SAP130: variants seen among roughly 807,000 people sequenced by gnomAD.
SAP130 encodes Sin3A associated protein 130.
In SAP130, 16 loss-of-function variants were observed where a neutral mutation model predicts 103.2. The observed-to-expected ratio is 0.16, with a 90% CI of 0.10 to 0.24. SAP130 has a LOEUF of 0.24. Among genes scored for constraint, SAP130 ranks in the 10% least tolerant of loss-of-function variants. The pLI is 1.00. For synonymous variants in SAP130, 477 were observed against 497.0 expected (o/e 0.96, Z 0.53); for missense variants, 990 against 1,359.7 (o/e 0.73, Z 4.28).
At chr2:127,977,758 C>CG (rs2104920366) in intron 15 of SAP130, among the ~76,000 whole-genome samples, 1 of 152,194 alleles carries the variant, frequency 6.6e-6, no homozygotes, top group Non-Finnish European at 1.5e-5. Flanking sequence ...TGGTGGCACA[C>CG]GTCTATAGTC....
At chr2:128,022,602 A>G (rs1685233247) in intron 2 of SAP130, among the ~76,000 whole-genome samples, 1 of 152,208 alleles carries the variant, frequency 6.6e-6, no homozygotes, top group Non-Finnish European at 1.5e-5. Context: ...TATTTGCGCT[A>G]CAACCATTCC....
intron 1 of SAP130, chr2:128,027,380 G>C: frequency 8.8e-7 from 1 of 1,141,976 alleles, no homozygotes; most frequent in Non-Finnish European, 1.1e-6. Flanking sequence ...AATCCACAGC[G>C]ACCTGCACGT....
Position 128,016,478 on chromosome 2 carries a change from G to A in SAP130, c.418C>T (p.Pro140Ser), listed in dbSNP as rs747467917. The change falls in exon 4 of 21, where the codon CCC becomes TCC. Residue 140 changes from proline (P) to serine (S), a missense_variant. Transcript: ENST00000643581. Reference protein sequence around the residue: ...PAPPSTLSLPPKVPGQVTVTM... With the variant: ...PAPPSTLSLPSKVPGQVTVTM... ...ACGGTAACCTGCCCTGGAACCTTGG[G>A]GGGAAGTGACAGGGTAGAAGGTGGA... The A allele has an allele frequency of 1.2e-6, 2 of 1,614,050 alleles. No homozygotes were observed. The highest frequency in any genetic ancestry group is 1.7e-6 in the Non-Finnish European group (2 of 1,179,986).
At chr2:127,961,549 CTTT>C (rs1242021678) in intron 15 of SAP130, among the ~76,000 whole-genome samples, 1 of 142,434 alleles carries the variant, frequency 7.0e-6, no homozygotes, top group Non-Finnish European at 1.5e-5. Context: ...AATTGGGTTG[CTTT>C]TTTGACTTGT....
Position 127,996,554 on chromosome 2 carries a change from T to G in SAP130, c.1214-63A>C, listed in dbSNP as rs1357916788. On this transcript the variant is annotated intron_variant, in intron 10 of 20. Transcript: ENST00000643581. This position sits in a 1 kb window ranked among gnomAD's most constrained non-coding sequence, Gnocchi z 4.3. ...ACTTTTTTTTGGCATGCCAAAACAT[T>G]CTTGGCTAGCAGCAATCTTAGGAAA... 1.5e-6 allele frequency: 2 copies of G among 1,373,992 alleles called. No individual in the cohort carries two copies. The highest frequency in any genetic ancestry group is 3.0e-5 in the African/African-American group (2 of 67,312). The allele number at this position is 1,373,992 out of a possible 1,614,324, so 85.1% of individuals were successfully genotyped here.
At chr2:127,970,643 A>G (rs1266525117) in intron 15 of SAP130, among the ~76,000 whole-genome samples, 1 of 151,610 alleles carries the variant, frequency 6.6e-6, no homozygotes, top group Non-Finnish European at 1.5e-5. Flanking sequence ...TTGAGCCTAG[A>G]TCACACCGCT....
chr2:128,015,647 T>C (rs534019680), intron 4 of SAP130, among the ~76,000 whole-genome samples: 1 of 152,106 alleles, frequency 6.6e-6, no homozygotes, highest in East Asian at 1.9e-4. Context: ...TCAGAATAAA[T>C]GTTCGCAACT....
Position 127,996,437 on chromosome 2 carries a change from T to C in SAP130, c.1268A>G (p.Tyr423Cys). The C allele has an allele frequency of 3.7e-6, 6 of 1,606,536 alleles. No homozygotes were observed. The highest frequency in any genetic ancestry group is 1.7e-6 in the Non-Finnish European group (2 of 1,176,370). Residue 423 changes from tyrosine (Y) to cysteine (C), a missense_variant, in exon 11 of 21, where the codon TAC (tyrosine) becomes TGC (cysteine). Transcript: ENST00000643581. The surrounding 1 kb of genome is among the most constrained non-coding windows in gnomAD (Gnocchi z 4.3). ...THTSPRIQPD[Y>C]PAERSSLIPI... ...AATCAGGCTACTCCTCTCGGCAGGG[T>C]AGTCTGGCTGGATCCGAGGAGAAGT...
chr2:127,972,483 C>T (rs530062413), intron 15 of SAP130, among the ~76,000 whole-genome samples: 13 of 152,162 alleles, frequency 8.5e-5, no homozygotes, highest in African/African-American at 2.6e-4. Flanking sequence ...GCAGGCTGGG[C>T]GTGGTGGCTC....
At chr2:128,027,250 C>T in intron 1 of SAP130, 1 of 1,186,666 alleles carries the variant, frequency 8.4e-7, no homozygotes, top group Non-Finnish European at 1.0e-6. Flanking sequence ...CCCGCTGGCC[C>T]CACTCACCCC....
Position 128,000,426 on chromosome 2 carries a change from G to C in SAP130, c.898C>G (p.Pro300Ala). 2 of 1,614,174 alleles carry C rather than the reference G, an allele frequency of 1.2e-6. No homozygotes were observed. The highest frequency in any genetic ancestry group is 1.7e-6 in the Non-Finnish European group (2 of 1,180,024). The change falls in exon 8 of 21, where the codon CCA (proline) becomes GCA (alanine). Residue 300 changes from proline (P) to alanine (A), a missense_variant. By Grantham distance (27) the Pro-to-Ala change is conservative. Around this residue, in one of 6 missense-constraint regions of SAP130, gnomAD observed 336 missense variants for 520.1 expected, o/e 0.65. Transcript: ENST00000643581. ...CGCTGAATACTGATTGCTGCAGATG[G>C]AGGATGCTGGATAGACAAGGTTGGC... ...SRPTLSIQHP[P>A]SAAISIQRPA...
chr2:128,012,370 T>C (rs1255622494), intron 6 of SAP130, among the ~76,000 whole-genome samples: 1 of 152,128 alleles, frequency 6.6e-6, no homozygotes, highest in Non-Finnish European at 1.5e-5. Flanking sequence ...CTTGGAAGGC[T>C]GAGGCAGGAG....
intron 15 of SAP130, among the ~76,000 whole-genome samples, chr2:127,970,102 C>T (rs970612600): frequency 1.3e-5 from 2 of 150,388 alleles, no homozygotes; most frequent in African/African-American, 4.9e-5. Context: ...GTAGCTCGCA[C>T]CTGTAGTTGC....
In SAP130 at chr2:127,986,044, T is replaced by C. The variant is rs557392679; in HGVS notation, c.1958+741A>G. The stretch of plus-strand genomic sequence containing the variant: ...CTGGCTTCCCCCATCTGCTGAGAGC[T>C]ACTTCTACTCAGTAAAACCCTACAC... On this transcript the variant is annotated intron_variant, in intron 14 of 20. Transcript: ENST00000643581. The surrounding 1 kb of genome is among the most constrained non-coding windows in gnomAD (Gnocchi z 4.7). Among the ~76,000 whole-genome samples, 5 of 152,242 alleles carry C rather than the reference T, an allele frequency of 3.3e-5. No individual in the cohort carries two copies. In the East Asian group the frequency reaches 9.7e-4, roughly 30 times the overall value.
intron 4 of SAP130, among the ~76,000 whole-genome samples, chr2:128,015,490 G>T (rs150690025): frequency 6.6e-6 from 1 of 152,058 alleles, no homozygotes; most frequent in East Asian, 1.9e-4. Context: ...CACCTCTTTG[G>T]GATATAAATT....
At chr2:127,998,505 C>G (rs1683326482) in intron 10 of SAP130, among the ~76,000 whole-genome samples, 1 of 152,158 alleles carries the variant, frequency 6.6e-6, no homozygotes, top group African/African-American at 2.4e-5. Context: ...AATCAGTGGT[C>G]TAGGGTTATA....
chr2:127,993,658 C>T (rs1050888244), intron 11 of SAP130, among the ~76,000 whole-genome samples: 4 of 152,110 alleles, frequency 2.6e-5, no homozygotes, highest in African/African-American at 9.7e-5. Flanking sequence ...GTTTTACTGG[C>T]CAATTTCATT....
At chr2:128,024,118 G>T (rs182765971) in intron 2 of SAP130, among the ~76,000 whole-genome samples, 200 of 152,226 alleles carry the variant, frequency 1.3e-3, no homozygotes, top group Middle Eastern at 0.01. Flanking sequence ...AGATACCATC[G>T]AGCAGGAGTC....
At chr2:128,008,836 C>T (rs1286948297) in intron 7 of SAP130, among the ~76,000 whole-genome samples, 1 of 151,882 alleles carries the variant, frequency 6.6e-6, no homozygotes, top group Non-Finnish European at 1.5e-5. Context: ...TAGGTACACA[C>T]CACCATGCCT....
Sources: gnomAD v4.1 joint callset for allele counts (sites outside exome capture counted in the v4.1 genomes callset) on GRCh38, gnomAD v4.1.1 for gene constraint, gnomAD v4.1.1 regional missense constraint, Gnocchi (gnomAD v3.1) non-coding constraint, MANE v1.5 for transcripts, NCBI Gene and HGNC (gene_info 2026-07-23, HGNC 2026-07-21) for gene names.